NCKAP5: variants seen among roughly 807,000 people sequenced by gnomAD.
The protein encoded by NCKAP5 is nck-associated protein 5.
NCKAP5 carries 92 observed loss-of-function variants against 167.0 expected under a neutral mutation model. The ratio of observed to expected loss-of-function variants is 0.55; its 90% CI spans 0.47 to 0.66. The LOEUF is 0.66. Among genes scored for constraint, NCKAP5 ranks in the 30% least tolerant of loss-of-function variants. NCKAP5 has a pLI of 0.00. For missense variants in NCKAP5, 2,378 were observed against 2,315.0 expected (o/e 1.03, Z -0.56); for synonymous variants, 891 against 877.4 (o/e 1.02, Z -0.27).
chr2:133,437,278 G>A (rs1194003096), intron 3 of NCKAP5, among the ~76,000 whole-genome samples: 3 of 151,762 alleles, frequency 2.0e-5, no homozygotes, highest in Non-Finnish European at 2.9e-5. Flanking sequence ...GCTTGAACCC[G>A]AGAGGCAGAG....
At position 132,818,441 on chromosome 2, in the gene NCKAP5, C is replaced by A. The variant is rs1323608253; in HGVS notation, c.808-21712G>T. On this transcript the variant is annotated intron_variant, in intron 11 of 19. Transcript: ENST00000409261. Reference sequence around the variant, plus strand: ...CTGTAATTCCAGCACTTTGGGAGGCCAAGGCAGGCAGATCAACTGAGGTCA... The same window carrying A: ...CTGTAATTCCAGCACTTTGGGAGGCAAAGGCAGGCAGATCAACTGAGGTCA... Among the ~76,000 whole-genome samples the A allele has an allele frequency of 1.3e-5, 2 of 152,110 alleles. 1 individual carries two copies. Among genetic ancestry groups the A allele is most frequent in the East Asian group, 3.9e-4 (2 of 5,188 alleles).
intron 3 of NCKAP5, among the ~76,000 whole-genome samples, chr2:133,351,174 T>G (rs899138480): frequency 6.6e-6 from 1 of 152,104 alleles, no homozygotes; most frequent in Admixed American, 6.6e-5. Flanking sequence ...GACAGCTTAG[T>G]TGATGGGTTC....
At chr2:133,333,665 T>A (rs1438285508) in intron 3 of NCKAP5, among the ~76,000 whole-genome samples, 2 of 152,204 alleles carry the variant, frequency 1.3e-5, no homozygotes, top group East Asian at 1.9e-4. Flanking sequence ...CATAATCATA[T>A]ATAAGTCCTT....
the NCKAP5 span, among the ~76,000 whole-genome samples, chr2:133,604,972 C>T: frequency 1.2e-4 from 19 of 152,306 alleles, no homozygotes; most frequent in South Asian, 4.1e-4. Flanking sequence ...AGAAGGCTAT[C>T]GCCTTCCCTT....
chr2:132,998,659 A>G (rs2077682535), intron 6 of NCKAP5, among the ~76,000 whole-genome samples: 1 of 152,156 alleles, frequency 6.6e-6, no homozygotes, highest in African/African-American at 2.4e-5. Flanking sequence ...TCAAAAATCA[A>G]AGACTAAAGC....
At position 133,517,490 on chromosome 2, in the gene NCKAP5, C is replaced by T; in HGVS notation, c.37G>A (p.Gly13Arg). 6.5e-7 allele frequency: 1 copy of T among 1,537,402 alleles called. No homozygotes were observed. The highest frequency in any genetic ancestry group is 8.8e-7 in the Non-Finnish European group (1 of 1,138,444). Residue 13 changes from glycine to arginine, a missense_variant, in exon 3 of 20, where the codon GGA becomes AGA. By Grantham distance (125) the Gly-to-Arg change is moderately radical. Transcript: ENST00000409261. Reference sequence around the variant, plus strand: ...CTGCTGTCTAGAGACAGCCTTTTTCCAAAGTCCCTTTTCTCAAGCTGTCTC... The same window carrying T: ...CTGCTGTCTAGAGACAGCCTTTTTCTAAAGTCCCTTTTCTCAAGCTGTCTC... ...GKRQLEKRDF[G>R]KRLSLDSSLV...
chr2:133,420,128 T>C (rs1326036076), intron 3 of NCKAP5, among the ~76,000 whole-genome samples: 2 of 152,234 alleles, frequency 1.3e-5, no homozygotes, highest in African/African-American at 4.8e-5. Context: ...TAAGACACTA[T>C]TAAAAAGATA....
chr2:132,975,585 C>T (rs774544668), intron 7 of NCKAP5, among the ~76,000 whole-genome samples: 64 of 152,150 alleles, frequency 4.2e-4, no homozygotes, highest in African/African-American at 1.5e-3. Context: ...GTGAAAAGTT[C>T]CCCTAGAATT....
At chr2:133,656,223 T>C in the NCKAP5 span, among the ~76,000 whole-genome samples, 1 of 152,048 alleles carries the variant, frequency 6.6e-6, no homozygotes, top group African/African-American at 2.4e-5. Context: ...GGGCAAGTTA[T>C]TCAACCTCTC....
chr2:133,352,238 C>G (rs1230818067), intron 3 of NCKAP5, among the ~76,000 whole-genome samples: 3 of 152,186 alleles, frequency 2.0e-5, no homozygotes, highest in Non-Finnish European at 4.4e-5. Flanking sequence ...TATACATTTT[C>G]GTTATATTCT....
chr2:132,973,253 C>T (rs1336997861), intron 7 of NCKAP5, among the ~76,000 whole-genome samples: 1 of 152,188 alleles, frequency 6.6e-6, no homozygotes, highest in Non-Finnish European at 1.5e-5. Context: ...CACTCGGACA[C>T]ACCTTGGTAT....
chr2:133,541,897 C>T (rs1575128477), intron 2 of NCKAP5, among the ~76,000 whole-genome samples: 1 of 152,202 alleles, frequency 6.6e-6, no homozygotes, highest in African/African-American at 2.4e-5. Flanking sequence ...GAGGAAGCTG[C>T]TACTGCTGCT....
intron 11 of NCKAP5, among the ~76,000 whole-genome samples, chr2:132,852,911 A>G (rs1485016887): frequency 6.6e-6 from 1 of 152,126 alleles, no homozygotes; most frequent in Admixed American, 6.5e-5. Flanking sequence ...TATATTATCT[A>G]TCTCCTTATT....
intron 5 of NCKAP5, among the ~76,000 whole-genome samples, chr2:133,204,954 T>C (rs2085878077): frequency 6.6e-6 from 1 of 152,138 alleles, no homozygotes; most frequent in Non-Finnish European, 1.5e-5. Context: ...CTTTTGGCCA[T>C]GGTGTTTGAT....
At chr2:132,681,545 T>C (rs1314782522) in intron 19 of NCKAP5, among the ~76,000 whole-genome samples, 1 of 152,106 alleles carries the variant, frequency 6.6e-6, no homozygotes, top group Non-Finnish European at 1.5e-5. Flanking sequence ...TTTGGAGTGA[T>C]AGATTTTTTA....
chr2:132,993,340 C>A (rs901574668), intron 7 of NCKAP5, among the ~76,000 whole-genome samples: 2 of 152,162 alleles, frequency 1.3e-5, no homozygotes, highest in African/African-American at 4.8e-5. Context: ...CCTTTTCCAC[C>A]ATACCACAGC....
At chr2:133,330,323 G>T (rs1164986578) in intron 3 of NCKAP5, among the ~76,000 whole-genome samples, 1 of 132,252 alleles carries the variant, frequency 7.6e-6, no homozygotes, top group Non-Finnish European at 1.5e-5. Flanking sequence ...GGGCTCAAGT[G>T]ATCTGCCTGC....
the NCKAP5 span, among the ~76,000 whole-genome samples, chr2:133,594,306 C>T: frequency 6.6e-6 from 1 of 152,138 alleles, no homozygotes; most frequent in African/African-American, 2.4e-5. Context: ...CTCTCTCTTT[C>T]TCTCTTCTCA....
At chr2:133,147,610 T>C (rs7603712) in intron 5 of NCKAP5, among the ~76,000 whole-genome samples, 27,988 of 152,098 alleles carry the variant, frequency 0.18, 2,821 homozygotes, top group Non-Finnish European at 0.22. Flanking sequence ...GACATAGCAG[T>C]GGTGATGTAT....
Sources: allele counts gnomAD v4.1 joint callset (sites outside exome capture counted in the v4.1 genomes callset), GRCh38; gene constraint gnomAD v4.1.1; transcripts MANE v1.5; gene names NCBI Gene and HGNC (gene_info 2026-07-23, HGNC 2026-07-21).